Variants in NRXN1 observed in about 807,000 individuals in gnomAD.
NRXN1 encodes the protein neurexin 1.
A neutral mutation model predicts 150.9 loss-of-function variants in NRXN1; 39 were observed. The observed-to-expected ratio is 0.26, with a 90% confidence interval of 0.20 to 0.34. The LOEUF (loss-of-function observed/expected upper bound fraction) is 0.34. Among genes scored for constraint, NRXN1 ranks in the 10% least tolerant of loss-of-function variants. The pLI is 1.00. For missense variants in NRXN1, 1,815 were observed against 1,949.9 expected (o/e 0.93, Z 1.30); for synonymous variants, 924 against 757.0 (o/e 1.22, Z -3.62).
chr2:50,174,532 A>G (rs1240011959), intron 18 of NRXN1: 2 of 152,178 alleles, frequency 1.3e-5, no homozygotes, highest in Admixed American at 1.3e-4. Context: ...AACAGCCACT[A>G]TACTAGTTAC....
intron 5 of NRXN1, among the ~76,000 whole-genome samples, chr2:50,854,845 C>G (rs1675033829): frequency 6.6e-6 from 1 of 152,012 alleles, no homozygotes; most frequent in African/African-American, 2.4e-5. Context: ...TGTGGTTTCT[C>G]AACTACTATG....
At chr2:50,538,993 T>C (rs984696362) in intron 9 of NRXN1, among the ~76,000 whole-genome samples, 1 of 152,182 alleles carries the variant, frequency 6.6e-6, no homozygotes, top group South Asian at 2.1e-4. Flanking sequence ...CAGATTCCCC[T>C]GGGTTAGTGC....
At chr2:50,019,641 CA>C (rs764073226) in intron 21 of NRXN1, among the ~76,000 whole-genome samples, 1,674 of 25,484 alleles carry the variant, frequency 0.066, 39 homozygotes, top group Non-Finnish European at 0.073. Context: ...GATTCCGTCT[CA>C]AAAAAAAAAA....
In NRXN1 at chr2:49,918,849, T is replaced by G. The variant is rs1667737776; in HGVS notation, c.*3095A>C. 6.6e-6 allele frequency: 1 copy of G among 152,054 alleles called. No homozygotes were observed. Among genetic ancestry groups the G allele is most frequent in the African/African-American group, 2.4e-5 (1 of 41,428 alleles). 9.4% of individuals were successfully genotyped at this position (152,054 alleles called of 1,614,324 possible). ...ATGGTGCCGCATATAATTTTTAAAA[T>G]CAATAAATCACAGTTGTATTAAGAA... On this transcript the variant is annotated 3_prime_UTR_variant, in exon 23 of 23. Coordinates refer to ENST00000401669, the MANE Select transcript of NRXN1 (RefSeq NM_001330078.2).
intron 19 of NRXN1, among the ~76,000 whole-genome samples, chr2:50,059,403 A>G (rs1226849337): frequency 6.6e-6 from 1 of 152,226 alleles, no homozygotes; most frequent in Non-Finnish European, 1.5e-5. Context: ...ATTTATAAAG[A>G]TACAGTTTGG....
intron 18 of NRXN1, among the ~76,000 whole-genome samples, chr2:50,102,098 A>C (rs1701059494): frequency 6.6e-6 from 1 of 152,016 alleles, no homozygotes; most frequent in African/African-American, 2.4e-5. Flanking sequence ...GTGGTAAGTA[A>C]TAATTCCTAC....
chr2:50,238,598 C>A (rs2065689917), intron 17 of NRXN1, among the ~76,000 whole-genome samples: 1 of 151,962 alleles, frequency 6.6e-6, no homozygotes, highest in South Asian at 2.1e-4. Context: ...GAAAACTATA[C>A]ATTGAATTGC....
At chr2:50,133,859 G>T (rs1282189150) in intron 18 of NRXN1, among the ~76,000 whole-genome samples, 4 of 152,278 alleles carry the variant, frequency 2.6e-5, no homozygotes, top group African/African-American at 9.6e-5. Flanking sequence ...TGAAGACTAG[G>T]ATACATTTAT....
rs910580855 is a variant in NRXN1 at position 50,237,034 on chromosome 2, G to A, written c.3365-64C>T. ...TCAAGTCTGCACATTAGCAAGGCAT[G>A]TTATATTGATATATCAGTAAAGTAT... On this transcript the variant is annotated intron_variant, in intron 17 of 22. Transcript: ENST00000401669. 1.8e-5 allele frequency: 27 copies of A among 1,465,166 alleles called. No individual in the cohort carries two copies. The South Asian group carries it at 2.6e-4, about 14-fold the overall frequency. The allele number at this position is 1,465,166 out of a possible 1,614,324, so 90.8% of individuals were successfully genotyped here. A position where few individuals can be genotyped will look rare whatever the true frequency, so the allele number is the denominator to read the frequency against.
At chr2:50,923,862 C>T (rs1000559821) in intron 3 of NRXN1, among the ~76,000 whole-genome samples, 6 of 151,770 alleles carry the variant, frequency 4.0e-5, no homozygotes, top group African/African-American at 1.5e-4. Flanking sequence ...TCAAACATCT[C>T]TGTAGGCTAG....
At chr2:50,446,452 C>T (rs932441522) in intron 17 of NRXN1, among the ~76,000 whole-genome samples, 25 of 133,496 alleles carry the variant, frequency 1.9e-4, no homozygotes, top group African/African-American at 6.8e-4. Flanking sequence ...TCCTTCCATC[C>T]TTTCCCCTGT....
intron 2 of NRXN1, among the ~76,000 whole-genome samples, chr2:50,984,310 T>G (rs867265081): frequency 6.6e-6 from 1 of 151,662 alleles, no homozygotes; most frequent in Non-Finnish European, 1.5e-5. Context: ...CAGTCCTGTT[T>G]TTGTATGACT....
At chr2:50,890,003 T>C (rs990515823) in intron 5 of NRXN1, among the ~76,000 whole-genome samples, 4 of 151,102 alleles carry the variant, frequency 2.6e-5, no homozygotes, top group Non-Finnish European at 5.9e-5. Context: ...TTAATAATGC[T>C]GCATGTTAAT....
intron 8 of NRXN1, among the ~76,000 whole-genome samples, chr2:50,575,691 C>T (rs766282666): frequency 6.6e-6 from 1 of 151,784 alleles, no homozygotes. Flanking sequence ...TGCTGGATAC[C>T]CATTTCATAA....
chr2:50,684,397 G>T (rs1690919332), intron 5 of NRXN1, among the ~76,000 whole-genome samples: 1 of 152,092 alleles, frequency 6.6e-6, no homozygotes, highest in Non-Finnish European at 1.5e-5. Flanking sequence ...CAGCTACTAG[G>T]AGGCTAAGGT....
chr2:50,952,795 C>T (rs1328788158), intron 2 of NRXN1, among the ~76,000 whole-genome samples: 2 of 152,136 alleles, frequency 1.3e-5, no homozygotes, highest in Non-Finnish European at 2.9e-5. Flanking sequence ...CTCCCCCTTT[C>T]GTCATCTATG....
intron 17 of NRXN1, among the ~76,000 whole-genome samples, chr2:50,318,039 A>G (rs924294271): frequency 6.6e-6 from 1 of 152,090 alleles, no homozygotes; most frequent in African/African-American, 2.4e-5. Context: ...ATATACCATA[A>G]AAAGACTGAA....
intron 5 of NRXN1, among the ~76,000 whole-genome samples, chr2:50,686,285 G>A (rs918924950): frequency 2.6e-5 from 4 of 151,982 alleles, no homozygotes; most frequent in Admixed American, 6.6e-5. Context: ...ACATTTACAC[G>A]TTAGGTTTCA....
chr2:50,506,889 G>A (rs898703607), intron 12 of NRXN1: 11 of 372,634 alleles, frequency 3.0e-5, no homozygotes, highest in South Asian at 1.5e-4. Context: ...TTAATCCTAC[G>A]CATTGATCCA....
Sources: allele counts gnomAD v4.1 joint callset (sites outside exome capture counted in the v4.1 genomes callset), GRCh38; gene constraint gnomAD v4.1.1; transcripts MANE v1.5; gene names NCBI Gene and HGNC (gene_info 2026-07-23, HGNC 2026-07-21).